RGS7: variants seen among roughly 807,000 people sequenced by gnomAD.
RGS7 encodes the protein regulator of G-protein signaling 7.
Under a neutral mutation model 81.1 loss-of-function variants are expected in RGS7, and 27 were observed. The observed-to-expected ratio is 0.33, with a 90% CI of 0.25 to 0.46. The LOEUF (loss-of-function observed/expected upper bound fraction) is 0.46, where lower values mean the gene tolerates loss of function less well. RGS7 is among the 20% of genes least tolerant of loss of function. The probability of loss-of-function intolerance (pLI) is 1.00; values close to 1 mark genes in which losing one functional copy is unlikely to be tolerated. For synonymous variants in RGS7, 208 were observed against 207.7 expected (o/e 1.00, Z -0.01); for missense variants, 396 against 607.4 (o/e 0.65, Z 3.66).
At chr1:240,821,396 G>A (rs1326656485) in intron 10 of RGS7, among the ~76,000 whole-genome samples, 3 of 152,192 alleles carry the variant, frequency 2.0e-5, no homozygotes, top group Admixed American at 2.0e-4. Flanking sequence ...AGGCTGCAGT[G>A]AGCCGAGATC....
chr1:241,192,502 AGGCAAAGAATGCCTACTT>A (rs1269009236), intron 2 of RGS7, among the ~76,000 whole-genome samples: 1 of 152,132 alleles, frequency 6.6e-6, no homozygotes, highest in Non-Finnish European at 1.5e-5. Flanking sequence ...TGGGATGAAA[AGGCAAAGAATGCCTACTT>A]CAGCTTCTAG....
At chr1:241,209,781 G>A (rs1242464508) in intron 2 of RGS7, among the ~76,000 whole-genome samples, 1 of 152,144 alleles carries the variant, frequency 6.6e-6, no homozygotes, top group Non-Finnish European at 1.5e-5. Context: ...AGGCTGCAGT[G>A]AGCTGTGTTC....
chr1:241,046,310 C>CCA (rs34415623), intron 3 of RGS7, among the ~76,000 whole-genome samples: 3 of 149,696 alleles, frequency 2.0e-5, no homozygotes, highest in Non-Finnish European at 4.5e-5. Context: ...TGACCCCCCC[C>CCA]CCCTTTTCTA....
chr1:241,041,781 CAGGG>C (rs1334013469), intron 3 of RGS7, among the ~76,000 whole-genome samples: 3,638 of 152,248 alleles, frequency 0.024, 158 homozygotes, highest in African/African-American at 0.082. Flanking sequence ...CACCCAGGCT[CAGGG>C]TTTTAACTCA....
chr1:241,285,494 G>A (rs554719755), intron 2 of RGS7, among the ~76,000 whole-genome samples: 2 of 152,140 alleles, frequency 1.3e-5, no homozygotes, highest in Non-Finnish European at 2.9e-5. Context: ...TTGGAAACAA[G>A]AGTCTGTCTT....
chr1:240,901,009 C>A lies in RGS7; in HGVS notation c.385+29708G>T, dbSNP rs541975781. Among the ~76,000 whole-genome samples, 182 of 152,332 alleles carry A rather than the reference C, an allele frequency of 1.2e-3. 1 individual carries two copies. Among genetic ancestry groups the A allele is most frequent in the African/African-American group, 4.1e-3 (172 of 41,590 alleles). On this transcript the variant is annotated intron_variant, in intron 6 of 18. Coordinates refer to ENST00000440928, the MANE Select transcript of RGS7 (RefSeq NM_001364886.1). ...TCAGCAGTGGCAGACACCCCTCCCC[C>A]AGCCTCGCTGCTGCCTTGCAGTTCG...
chr1:240,858,012 C>T (rs943309735), intron 9 of RGS7, among the ~76,000 whole-genome samples: 1 of 152,190 alleles, frequency 6.6e-6, no homozygotes, highest in South Asian at 2.1e-4. Flanking sequence ...CCTGAGACCT[C>T]CCCAACCATG....
intron 3 of RGS7, among the ~76,000 whole-genome samples, chr1:241,027,686 C>A (rs2059862523): frequency 6.6e-6 from 1 of 151,822 alleles, no homozygotes; most frequent in Non-Finnish European, 1.5e-5. Flanking sequence ...TGGAGGAGAG[C>A]CTAGGTTTGT....
rs2059750745 is a variant in RGS7, at chr1:241,025,719, A to AT, written c.176-42591dup. On this transcript the variant is annotated intron_variant, in intron 3 of 18. Coordinates refer to ENST00000440928, the MANE Select transcript of RGS7 (RefSeq NM_001364886.1). ...AAGCTTTTTTTTTTTAATGAAGGAT[A>AT]TTACAGTTCATAAGAACAAAGCTAT... 2.0e-5 allele frequency among the ~76,000 whole-genome samples: 3 copies of AT among 152,056 alleles called. No individual in the cohort carries two copies. In the South Asian group the frequency reaches 6.2e-4, roughly 32 times the overall value.
At chr1:241,268,980 T>C (rs1319393864) in intron 2 of RGS7, among the ~76,000 whole-genome samples, 1 of 152,250 alleles carries the variant, frequency 6.6e-6, no homozygotes, top group African/African-American at 2.4e-5. Flanking sequence ...AAACCTGTAC[T>C]GTTACTTTAC....
At chr1:241,017,436 T>A (rs1480356970) in intron 3 of RGS7, among the ~76,000 whole-genome samples, 2 of 129,718 alleles carry the variant, frequency 1.5e-5, no homozygotes. Context: ...CAACACTCTG[T>A]CTCAAAAAAA....
chr1:241,017,403 G>A (rs887608294), intron 3 of RGS7, among the ~76,000 whole-genome samples: 2 of 139,396 alleles, frequency 1.4e-5, no homozygotes, highest in Non-Finnish European at 3.0e-5. Context: ...TCACACCACT[G>A]CACTCTAGCC....
chr1:241,046,961 G>A (rs116161963), intron 3 of RGS7, among the ~76,000 whole-genome samples: 1,525 of 152,200 alleles, frequency 0.01, 32 homozygotes, highest in African/African-American at 0.033. Context: ...GAAGCGAAAT[G>A]CCAGTGGACC....
chr1:241,287,471 C>T (rs1294169873), intron 2 of RGS7, among the ~76,000 whole-genome samples: 2 of 152,190 alleles, frequency 1.3e-5, no homozygotes, highest in Non-Finnish European at 2.9e-5. Flanking sequence ...CTTTGCTCCT[C>T]CTTTGTCTTC....
At chr1:240,974,702 G>C (rs1293654604) in intron 4 of RGS7, among the ~76,000 whole-genome samples, 2 of 152,168 alleles carry the variant, frequency 1.3e-5, no homozygotes, top group African/African-American at 4.8e-5. Context: ...TGGAAGAAAG[G>C]CTCATGGAAT....
intron 2 of RGS7, among the ~76,000 whole-genome samples, chr1:241,255,033 T>C (rs1017786340): frequency 1.3e-5 from 2 of 152,206 alleles, no homozygotes; most frequent in Admixed American, 1.3e-4. Context: ...GTTGAAGTCC[T>C]TTCTAACCCT....
intron 6 of RGS7, among the ~76,000 whole-genome samples, chr1:240,891,702 CAAAT>C (rs1668319102): frequency 6.6e-6 from 1 of 152,092 alleles, no homozygotes; most frequent in Non-Finnish European, 1.5e-5. Context: ...ATGGAGGAAA[CAAAT>C]AAGTAGGTAA....
intron 16 of RGS7, among the ~76,000 whole-genome samples, chr1:240,802,237 G>A (rs1047112872): frequency 1.6e-4 from 25 of 152,198 alleles, no homozygotes; most frequent in African/African-American, 5.1e-4. Flanking sequence ...AATGAATGAC[G>A]TTGATGTTTA....
intron 3 of RGS7, among the ~76,000 whole-genome samples, chr1:241,030,023 A>G (rs2059986545): frequency 6.6e-6 from 1 of 152,142 alleles, no homozygotes; most frequent in African/African-American, 2.4e-5. Context: ...CGCACAACAC[A>G]TTATAGCTTC....
Sources: allele counts gnomAD v4.1 joint callset (sites outside exome capture counted in the v4.1 genomes callset), GRCh38; gene constraint gnomAD v4.1.1; transcripts MANE v1.5; gene names NCBI Gene and HGNC (gene_info 2026-07-23, HGNC 2026-07-21).